The following SLC38A12 variants were observed in gnomAD, a reference collection of about 807,000 sequenced individuals.
SLC38A12 encodes putative sodium-coupled neutral amino acid transporter 12.
chr17:74,837,449 G>C, the SLC38A12 span: 1 of 985,542 alleles, frequency 1.0e-6, no homozygotes, highest in South Asian at 4.7e-5. Flanking sequence ...TGCTGCCCTC[G>C]CTGCCCCACT....
chr17:74,838,454 C>T, the SLC38A12 span: 3 of 1,023,032 alleles, frequency 2.9e-6, no homozygotes, highest in Non-Finnish European at 3.5e-6. Context: ...CTAATTAAAT[C>T]ATCCTGCCAC....
the SLC38A12 span, among the ~76,000 whole-genome samples, chr17:74,810,145 C>T: frequency 2.6e-5 from 4 of 152,332 alleles, no homozygotes; most frequent in South Asian, 2.1e-4. Flanking sequence ...TCCGTCTCTC[C>T]ACTCACGCAT....
the SLC38A12 span, among the ~76,000 whole-genome samples, chr17:74,806,982 C>T: frequency 6.6e-6 from 1 of 152,156 alleles, no homozygotes; most frequent in Admixed American, 6.5e-5. Flanking sequence ...GATTTTAGGG[C>T]AGTCTGATTG....
chr17:74,777,006 C>G, the SLC38A12 span, among the ~76,000 whole-genome samples: 1 of 152,202 alleles, frequency 6.6e-6, no homozygotes, highest in Non-Finnish European at 1.5e-5. Flanking sequence ...CCTTAAATCA[C>G]TTGCACCCCG....
At chr17:74,804,480 A>G in the SLC38A12 span, among the ~76,000 whole-genome samples, 3 of 152,230 alleles carry the variant, frequency 2.0e-5, no homozygotes, top group African/African-American at 7.2e-5. Context: ...TGGCCCTTAC[A>G]CAGAGCTGAA....
At chr17:74,808,288 AGTGCTCTAAAGAGGAACTGG>A in the SLC38A12 span, among the ~76,000 whole-genome samples, 1 of 152,256 alleles carries the variant, frequency 6.6e-6, no homozygotes, top group Non-Finnish European at 1.5e-5. Context: ...GAGACAGTTG[AGTGCTCTAAAGAGGAACTGG>A]GTGCTCTAAA....
chr17:74,782,665 G>A, the SLC38A12 span, among the ~76,000 whole-genome samples: 6 of 152,326 alleles, frequency 3.9e-5, no homozygotes, highest in East Asian at 9.6e-4. Flanking sequence ...GCAATGGGCT[G>A]TGTGTCCCCT....
chr17:74,814,151 A>C, the SLC38A12 span, among the ~76,000 whole-genome samples: 1 of 152,198 alleles, frequency 6.6e-6, no homozygotes, highest in South Asian at 2.1e-4. Context: ...TCTGGGAGCC[A>C]AGCAGACTGA....
chr17:74,781,094 A>G, the SLC38A12 span, among the ~76,000 whole-genome samples: 3 of 152,170 alleles, frequency 2.0e-5, no homozygotes, highest in Non-Finnish European at 4.4e-5. Flanking sequence ...CGGGGATGCC[A>G]CTAAACATCC....
chr17:74,830,211 G>A, the SLC38A12 span, among the ~76,000 whole-genome samples: 2 of 152,208 alleles, frequency 1.3e-5, no homozygotes, highest in Non-Finnish European at 2.9e-5. Context: ...GCCCAGTCAC[G>A]GCTTCATCCC....
chr17:74,781,297 ACTTT>A, the SLC38A12 span, among the ~76,000 whole-genome samples: 1 of 151,868 alleles, frequency 6.6e-6, no homozygotes, highest in African/African-American at 2.4e-5. Context: ...AAGAACCATT[ACTTT>A]CTTTTTTTTT....
At chr17:74,806,863 A>C in the SLC38A12 span, among the ~76,000 whole-genome samples, 1 of 152,164 alleles carries the variant, frequency 6.6e-6, no homozygotes, top group South Asian at 2.1e-4. Flanking sequence ...GTCCCGCCCC[A>C]CGGCTCCATG....
chr17:74,812,876 C>T, the SLC38A12 span, among the ~76,000 whole-genome samples: 3 of 152,178 alleles, frequency 2.0e-5, no homozygotes, highest in East Asian at 1.9e-4. Flanking sequence ...GCTGGCCTCC[C>T]GTGTTGAAAC....
the SLC38A12 span, among the ~76,000 whole-genome samples, chr17:74,808,505 G>C: frequency 6.6e-6 from 1 of 152,316 alleles, no homozygotes; most frequent in East Asian, 1.9e-4. Flanking sequence ...CACTCTGGTA[G>C]TGCCTGGCAG....
chr17:74,795,515 C>A, the SLC38A12 span: 1 of 1,613,146 alleles, frequency 6.2e-7, no homozygotes, highest in South Asian at 1.1e-5. Flanking sequence ...CTGTCATTCT[C>A]TTTATCAGCA....
the SLC38A12 span, chr17:74,795,207 G>A: frequency 9.8e-7 from 1 of 1,023,408 alleles, no homozygotes; most frequent in Non-Finnish European, 1.5e-6. Context: ...CATGCCAAGT[G>A]AGTTCATTGC....
chr17:74,792,756 C>T, the SLC38A12 span, among the ~76,000 whole-genome samples: 2 of 152,220 alleles, frequency 1.3e-5, no homozygotes, highest in African/African-American at 4.8e-5. Context: ...AAAGGCCGCC[C>T]TAGGGCCTGG....
the SLC38A12 span, among the ~76,000 whole-genome samples, chr17:74,811,736 A>AAGAAT: frequency 1.4e-5 from 2 of 146,700 alleles, no homozygotes; most frequent in East Asian, 4.2e-4. Context: ...GAAAAAAGAA[A>AAGAAT]AGAATAGTAT....
At chr17:74,809,349 G>A in the SLC38A12 span, among the ~76,000 whole-genome samples, 14 of 152,144 alleles carry the variant, frequency 9.2e-5, no homozygotes, top group African/African-American at 3.1e-4. Flanking sequence ...CCTTCCAGAC[G>A]CCTCTGGTTG....
Sources: gnomAD v4.1 joint callset for allele counts (sites outside exome capture counted in the v4.1 genomes callset) on GRCh38, gnomAD v4.1.1 for gene constraint, MANE v1.5 for transcripts, NCBI Gene and HGNC (gene_info 2026-07-23, HGNC 2026-07-21) for gene names.